The following DGKB variants were observed in gnomAD, a reference collection of about 807,000 sequenced individuals.
DGKB encodes diacylglycerol kinase beta.
DGKB carries 67 observed loss-of-function variants against 114.3 expected under a neutral mutation model. The ratio of observed to expected loss-of-function variants is 0.59; its 90% CI spans 0.48 to 0.72. The LOEUF (loss-of-function observed/expected upper bound fraction) is 0.72. Ranked by LOEUF, DGKB falls within the 30% of genes least tolerant of loss-of-function variation. The pLI, the probability that DGKB is intolerant of heterozygous loss-of-function variation, is 0.00. For synonymous variants in DGKB, 398 were observed against 323.1 expected (o/e 1.23, Z -2.49); for missense variants, 907 against 975.2 (o/e 0.93, Z 0.93).
chr7:14,644,762 G>T (rs1045389383), intron 13 of DGKB, among the ~76,000 whole-genome samples: 2 of 152,092 alleles, frequency 1.3e-5, no homozygotes, highest in Non-Finnish European at 2.9e-5. Context: ...GAAAAGATGG[G>T]GAAAGACATG....
chr7:14,260,678 T>C (rs1396102819), intron 23 of DGKB, among the ~76,000 whole-genome samples: 2 of 152,200 alleles, frequency 1.3e-5, no homozygotes, highest in Non-Finnish European at 2.9e-5. Flanking sequence ...CTTATTAAAG[T>C]TCAGGCAACA....
chr7:14,363,045 C>T (rs767240158), intron 21 of DGKB, among the ~76,000 whole-genome samples: 1 of 152,080 alleles, frequency 6.6e-6, no homozygotes, highest in Non-Finnish European at 1.5e-5. Context: ...TGTCATGAGA[C>T]CTCCATGTTA....
At chr7:14,535,328 C>G (rs1211244238) in intron 20 of DGKB, among the ~76,000 whole-genome samples, 3 of 145,892 alleles carry the variant, frequency 2.1e-5, no homozygotes, top group African/African-American at 7.6e-5. Context: ...ATGAATGTGC[C>G]ATAAAACTCT....
chr7:14,198,660 T>C (rs550875071), intron 23 of DGKB, among the ~76,000 whole-genome samples: 29 of 152,170 alleles, frequency 1.9e-4, no homozygotes, highest in African/African-American at 6.5e-4. Flanking sequence ...TATGGTTATA[T>C]GTGAATTGCT....
At chr7:14,408,114 A>G (rs1208015052) in intron 21 of DGKB, among the ~76,000 whole-genome samples, 1 of 152,152 alleles carries the variant, frequency 6.6e-6, no homozygotes, top group Non-Finnish European at 1.5e-5. Flanking sequence ...TTATGAAGAA[A>G]AAACATGGTG....
intron 21 of DGKB, among the ~76,000 whole-genome samples, chr7:14,398,778 C>T (rs1251497335): frequency 7.9e-6 from 1 of 127,202 alleles, no homozygotes; most frequent in Non-Finnish European, 1.7e-5. Context: ...AGGATGCTAA[C>T]ACATGGTCTA....
chr7:14,501,429 C>T (rs918016341), intron 20 of DGKB, among the ~76,000 whole-genome samples: 4 of 151,764 alleles, frequency 2.6e-5, no homozygotes, highest in African/African-American at 7.3e-5. Context: ...TAAAGGAATG[C>T]TTATAGTTTG....
chr7:14,528,879 A>C (rs1037449624), intron 20 of DGKB, among the ~76,000 whole-genome samples: 6 of 151,994 alleles, frequency 3.9e-5, no homozygotes, highest in Admixed American at 1.3e-4. Flanking sequence ...TTTCTTTAAA[A>C]AATTGCTGTG....
chr7:14,797,028 G>A (rs1328777093), intron 2 of DGKB, among the ~76,000 whole-genome samples: 1 of 152,164 alleles, frequency 6.6e-6, no homozygotes, highest in African/African-American at 2.4e-5. Flanking sequence ...GTCTTTTAAG[G>A]ATGGACTAAA....
At chr7:14,953,087 G>C (rs1786299028) in intron 1 of DGKB, among the ~76,000 whole-genome samples, 1 of 151,990 alleles carries the variant, frequency 6.6e-6, no homozygotes, top group South Asian at 2.1e-4. Context: ...CTACATGTAA[G>C]TATAAAAACT....
chr7:14,515,625 T>C (rs1788668620), intron 20 of DGKB, among the ~76,000 whole-genome samples: 1 of 152,212 alleles, frequency 6.6e-6, no homozygotes, highest in Non-Finnish European at 1.5e-5. Flanking sequence ...AATTTCACAT[T>C]TTAAGTGTTC....
intron 23 of DGKB, among the ~76,000 whole-genome samples, chr7:14,277,028 A>G (rs1799114225): frequency 6.6e-6 from 1 of 152,260 alleles, no homozygotes; most frequent in Admixed American, 6.5e-5. Flanking sequence ...AAGATATATT[A>G]TTATTGACTA....
chr7:14,619,219 C>G (rs1397953733), intron 15 of DGKB, among the ~76,000 whole-genome samples: 1 of 151,216 alleles, frequency 6.6e-6, no homozygotes, highest in East Asian at 1.9e-4. Flanking sequence ...GATTTCTATA[C>G]TTGTCCCACT....
intron 21 of DGKB, among the ~76,000 whole-genome samples, chr7:14,429,996 G>C (rs1828208337): frequency 6.6e-6 from 1 of 152,124 alleles, no homozygotes; most frequent in Non-Finnish European, 1.5e-5. Context: ...AGCAAGTATT[G>C]GTGTGGCTTC....
intron 23 of DGKB, among the ~76,000 whole-genome samples, chr7:14,273,667 C>T (rs764557069): frequency 6.6e-6 from 1 of 152,192 alleles, no homozygotes; most frequent in Non-Finnish European, 1.5e-5. Context: ...TGAATGACAA[C>T]TCTACATACA....
At chr7:14,347,720 A>G (rs1299130174) in intron 21 of DGKB, among the ~76,000 whole-genome samples, 1 of 151,996 alleles carries the variant, frequency 6.6e-6, no homozygotes, top group Non-Finnish European at 1.5e-5. Flanking sequence ...ATAGTTAATA[A>G]TAATGTATGG....
chr7:14,558,346 C>A (rs1796171069), intron 20 of DGKB, among the ~76,000 whole-genome samples: 1 of 151,632 alleles, frequency 6.6e-6, no homozygotes. Flanking sequence ...CTGAGGATGC[C>A]TTTCACAATT....
Position 14,649,388 on chromosome 7 carries a change from C to G in DGKB, c.1135-19120G>C, listed in dbSNP as rs1378109054. 1.1e-4 allele frequency among the ~76,000 whole-genome samples: 17 copies of G among 150,008 alleles called. No homozygotes were observed. The East Asian group carries it at 3.4e-3, about 30-fold the overall frequency. ...TTTCAACCCAGAATTTCATATCCAG[C>G]CAAACTAAGCTTCATAAGTGAAGGA... On this transcript the variant is annotated intron_variant, in intron 13 of 25. Coordinates refer to ENST00000402815, the MANE Select transcript of DGKB (RefSeq NM_001350709.2).
At position 14,759,759 on chromosome 7, in the gene DGKB, C is replaced by T. The variant is rs547682368; in HGVS notation, c.71-2028G>A. ...TTGTATAAACATATAATTCAATTCT[C>T]TTGGCTATATACCTGATAGTAAAAT... On this transcript the variant is annotated intron_variant, in intron 2 of 25. Coordinates refer to ENST00000402815, the MANE Select transcript of DGKB (RefSeq NM_001350709.2). Among the ~76,000 whole-genome samples, 16 of 152,258 alleles carry T rather than the reference C, an allele frequency of 1.1e-4. No individual in the cohort carries two copies. The South Asian group carries it at 3.3e-3, about 32-fold the overall frequency.
Sources: allele counts gnomAD v4.1 joint callset (sites outside exome capture counted in the v4.1 genomes callset), GRCh38; gene constraint gnomAD v4.1.1; transcripts MANE v1.5; gene names NCBI Gene and HGNC (gene_info 2026-07-23, HGNC 2026-07-21).